The following ZNF609 variants were observed in gnomAD, a reference collection of about 807,000 sequenced individuals.
The protein encoded by ZNF609 is zinc finger protein 609.
A neutral mutation model predicts 109.5 loss-of-function variants in ZNF609; 11 were observed. The ratio of observed to expected loss-of-function variants is 0.10; its 90% CI spans 0.06 to 0.17. The LOEUF is 0.17. Among genes scored for constraint, ZNF609 ranks in the 10% least tolerant of loss-of-function variants. ZNF609 has a pLI of 1.00. For synonymous variants in ZNF609, 646 were observed against 662.0 expected (o/e 0.98, Z 0.37); for missense variants, 1,559 against 1,772.4 (o/e 0.88, Z 2.16).
At chr15:64,482,527 TTACTA>T (rs1893270676) in intron 1 of ZNF609, among the ~76,000 whole-genome samples, 1 of 152,142 alleles carries the variant, frequency 6.6e-6, no homozygotes, top group Admixed American at 6.5e-5. Flanking sequence ...AGTGGCATGG[TTACTA>T]TACTAAGGAA....
intron 1 of ZNF609, among the ~76,000 whole-genome samples, chr15:64,482,731 A>T (rs1293675990): frequency 6.6e-6 from 1 of 152,362 alleles, no homozygotes; most frequent in South Asian, 2.1e-4. Flanking sequence ...ATGACAGATC[A>T]TTAATACTTT....
In ZNF609 at chr15:64,674,365, A is replaced by G. The variant is rs1896778360; in HGVS notation, c.1511A>G (p.Lys504Arg). 6.2e-7 allele frequency: 1 copy of G among 1,614,030 alleles called. No homozygotes were observed. The highest frequency in any genetic ancestry group is 1.1e-5 in the South Asian group (1 of 91,074). Residue 504 changes from lysine (K) to arginine (R), a missense_variant, in exon 5 of 10, where the codon AAG (lysine) becomes AGG (arginine). This residue lies in a region of ZNF609 where 1,204 missense variants were observed against 1,314.1 expected (regional missense o/e 0.92). Coordinates refer to ENST00000326648, the MANE Select transcript of ZNF609 (RefSeq NM_015042.2). ...GACTGTCCCCACCCAAACTGCAACA[A>G]GAAGTACAAGCACATCAATGGACTT... ...LIDCPHPNCN[K>R]KYKHINGLKY...
intron 3 of ZNF609, among the ~76,000 whole-genome samples, chr15:64,625,888 CAAAAAAAAAAAAAA>C (rs869043429): frequency 7.2e-4 from 19 of 26,320 alleles, no homozygotes; most frequent in African/African-American, 8.9e-4. Context: ...GACTCCATCT[CAAAAAAAAAAAAAA>C]AAAAAAAAAA....
chr15:64,672,365 C>G (rs1376796225), intron 4 of ZNF609, among the ~76,000 whole-genome samples: 1 of 150,274 alleles, frequency 6.7e-6, no homozygotes, highest in Non-Finnish European at 1.5e-5. Context: ...TGGCTAACGC[C>G]TGTAATCCCA....
intron 3 of ZNF609, among the ~76,000 whole-genome samples, chr15:64,664,339 G>A (rs973541983): frequency 6.6e-6 from 1 of 152,144 alleles, no homozygotes; most frequent in African/African-American, 2.4e-5. Flanking sequence ...AGAATAGTGA[G>A]TACTCTAAAA....
At chr15:64,680,078 C>T in intron 6 of ZNF609, 107 bp from the exon 7 acceptor site, 4 of 1,216,470 alleles carry the variant, frequency 3.3e-6, no homozygotes, top group Non-Finnish European at 4.7e-6. Flanking sequence ...TTAGAAAATA[C>T]CTCAGCCTGT....
At chr15:64,580,914 C>T (rs1895090136) in intron 2 of ZNF609, among the ~76,000 whole-genome samples, 1 of 143,210 alleles carries the variant, frequency 7.0e-6, no homozygotes, top group Non-Finnish European at 1.5e-5. Flanking sequence ...GAATTAAATA[C>T]TCAGCAGTTG....
At chr15:64,507,586 G>A (rs186175737) in intron 2 of ZNF609, among the ~76,000 whole-genome samples, 7 of 152,288 alleles carry the variant, frequency 4.6e-5, no homozygotes, top group South Asian at 2.1e-4. Context: ...AAATCCAGAC[G>A]GCTCCCAGCC....
chr15:64,635,498 A>G (rs1361593928), intron 3 of ZNF609, among the ~76,000 whole-genome samples: 1 of 152,226 alleles, frequency 6.6e-6, no homozygotes, highest in African/African-American at 2.4e-5. Flanking sequence ...AGGTTGGACT[A>G]CATGATCTCT....
Position 64,623,036 on chromosome 15 carries a change from G to C in ZNF609, c.957G>C (p.Trp319Cys). ...GCGTCAACCTTGAAGGCATCGTGTG[G>C]CAGGAAACAGAAGATGGTAAGTGTG... ...GTSVNLEGIV[W>C]QETEDGMLVV... The change falls in exon 3 of 10, where the codon TGG becomes TGC. Residue 319 changes from tryptophan (W) to cysteine (C), a missense_variant. Physicochemically the swap from Trp to Cys is radical, Grantham distance 215. Coordinates refer to ENST00000326648, the MANE Select transcript of ZNF609 (RefSeq NM_015042.2). 6.2e-7 allele frequency: 1 copy of C among 1,614,180 alleles called. No individual in the cohort carries two copies. The highest frequency in any genetic ancestry group is 8.5e-7 in the Non-Finnish European group (1 of 1,179,994).
chr15:64,584,129 T>G (rs1376572136), intron 2 of ZNF609, among the ~76,000 whole-genome samples: 1 of 152,090 alleles, frequency 6.6e-6, no homozygotes, highest in Admixed American at 6.6e-5. Context: ...AATGTATAAG[T>G]AGAGCAACTA....
At chr15:64,542,484 G>A (rs962390291) in intron 2 of ZNF609, among the ~76,000 whole-genome samples, 15 of 152,070 alleles carry the variant, frequency 9.9e-5, no homozygotes, top group Admixed American at 3.3e-4. Flanking sequence ...CACTGAAATA[G>A]GATTTAAATA....
At chr15:64,472,931 A>T (rs1893111342) in intron 1 of ZNF609, among the ~76,000 whole-genome samples, 1 of 152,194 alleles carries the variant, frequency 6.6e-6, no homozygotes, top group Non-Finnish European at 1.5e-5. Flanking sequence ...CTCAGCATTT[A>T]TCTGTTTTGG....
chr15:64,588,442 A>AAAAAAAAAAAAACAAAAAG lies in ZNF609; in HGVS notation c.748-34383_748-34382insAAAAAAAAAACAAAAAGAA, dbSNP rs71133451. The stretch of plus-strand genomic sequence containing the variant: ...CACTCTGTCTAAAAAAAAAAAAAAA[A>AAAAAAAAAAAAACAAAAAG]AAGAAGAGGAAGACTGTACAGACTA... On this transcript the variant is annotated intron_variant, in intron 2 of 9. Transcript: ENST00000326648. Among the ~76,000 whole-genome samples, 2 of 75,272 alleles carry AAAAAAAAAAAAACAAAAAG rather than the reference A, an allele frequency of 2.7e-5. 1 individual carries two copies. Among genetic ancestry groups the AAAAAAAAAAAAACAAAAAG allele is most frequent in the Non-Finnish European group, 4.7e-5 (2 of 42,972 alleles). 49.4% of individuals were successfully genotyped at this position (75,272 alleles called of 152,430 possible). A position where few individuals can be genotyped will look rare whatever the true frequency, so the allele number is the denominator to read the frequency against.
At chr15:64,491,571 G>A (rs772506530) in intron 1 of ZNF609, among the ~76,000 whole-genome samples, 4 of 152,150 alleles carry the variant, frequency 2.6e-5, no homozygotes, top group Non-Finnish European at 5.9e-5. Context: ...GAGTTTTGCC[G>A]GGTGTGGTGG....
At chr15:64,609,062 ATTTTTCTT>A (rs1567028203) in intron 2 of ZNF609, among the ~76,000 whole-genome samples, 1 of 105,952 alleles carries the variant, frequency 9.4e-6, no homozygotes, top group Non-Finnish European at 2.1e-5. Context: ...TTTAGTTTTA[ATTTTTCTT>A]TCTTTCTTTC....
At chr15:64,527,022 C>G (rs556045216) in intron 2 of ZNF609, among the ~76,000 whole-genome samples, 5 of 151,898 alleles carry the variant, frequency 3.3e-5, no homozygotes, top group African/African-American at 4.8e-5. Flanking sequence ...TTTTTCAGAA[C>G]AAGATAATTC....
At chr15:64,636,938 A>T (rs182024173) in intron 3 of ZNF609, among the ~76,000 whole-genome samples, 46 of 152,338 alleles carry the variant, frequency 3.0e-4, no homozygotes, top group Admixed American at 8.5e-4. Flanking sequence ...ATAAACATGT[A>T]CGCAAATTCT....
intron 2 of ZNF609, among the ~76,000 whole-genome samples, chr15:64,539,459 G>A (rs1413537416): frequency 2.0e-5 from 3 of 151,284 alleles, no homozygotes; most frequent in Non-Finnish European, 2.9e-5. Flanking sequence ...CACCCGCCTT[G>A]GCCTCCCCAA....
Sources: allele counts gnomAD v4.1 joint callset (sites outside exome capture counted in the v4.1 genomes callset), GRCh38; gene constraint gnomAD v4.1.1; regional missense constraint gnomAD v4.1.1; transcripts MANE v1.5; gene names NCBI Gene and HGNC (gene_info 2026-07-23, HGNC 2026-07-21).